CIITA: variants seen among roughly 807,000 people sequenced by gnomAD.
CIITA encodes class II major histocompatibility complex transactivator.
Under a neutral mutation model 115.1 loss-of-function variants are expected in CIITA, and 72 were observed. The ratio of observed to expected loss-of-function variants is 0.63; its 90% CI spans 0.52 to 0.76. The LOEUF (loss-of-function observed/expected upper bound fraction) is 0.76, where lower values mean the gene tolerates loss of function less well. CIITA is among the 30% of genes least tolerant of loss of function. The pLI is 0.00. For missense variants in CIITA, 1,617 were observed against 1,463.8 expected (o/e 1.10, Z -1.71); for synonymous variants, 763 against 635.6 (o/e 1.20, Z -3.02).
intron 1 of CIITA, among the ~76,000 whole-genome samples, chr16:10,880,943 G>A (rs989458707): frequency 8.5e-5 from 13 of 152,152 alleles, no homozygotes; most frequent in African/African-American, 3.1e-4. Flanking sequence ...CATGCATTGG[G>A]AATAATTATT....
intron 4 of CIITA, 67 bp from the exon 5 acceptor site, chr16:10,898,857 GT>G: frequency 6.2e-7 from 1 of 1,603,326 alleles, no homozygotes. Context: ...CCCAAGGTGG[GT>G]ACAATAGAGA....
chr16:10,896,761 C>T (rs2038171427), intron 3 of CIITA, among the ~76,000 whole-genome samples: 1 of 152,232 alleles, frequency 6.6e-6, no homozygotes. Flanking sequence ...TTCCTGCCAA[C>T]CCAGGAACAG....
downstream of CIITA, chr16:10,937,166 C>A (rs2041040236): frequency 6.6e-6 from 1 of 152,316 alleles, no homozygotes. The surrounding 1 kb of genome is among the most constrained non-coding windows in gnomAD (Gnocchi z 4.2). Context: ...CAAGGACCTT[C>A]TGGGTGAGCC....
At chr16:10,885,567 C>G (rs749893200) in intron 1 of CIITA, among the ~76,000 whole-genome samples, 14 of 152,182 alleles carry the variant, frequency 9.2e-5, no homozygotes, top group African/African-American at 3.4e-4. Context: ...CTCTCTGTCT[C>G]GTTCTCCTGG....
At chr16:10,897,021 G>A (rs1163291258) in intron 3 of CIITA, among the ~76,000 whole-genome samples, 1 of 152,232 alleles carries the variant, frequency 6.6e-6, no homozygotes, top group African/African-American at 2.4e-5. Context: ...ATTTGGGCAT[G>A]TCATAGGATT....
At chr16:10,939,450 C>T (rs59076074), downstream of CIITA, 1 of 152,322 alleles carries the variant, frequency 6.6e-6, no homozygotes, top group Non-Finnish European at 1.5e-5. The surrounding 1 kb of genome is among the most constrained non-coding windows in gnomAD (Gnocchi z 4.9). Context: ...TCCCACCCAC[C>T]TCACTGACCT....
Position 10,929,769 on chromosome 16 carries a change from T to A in CIITA, c.*5914T>A, listed in dbSNP as rs867909357. On this transcript the variant is annotated 3_prime_UTR_variant, in exon 20 of 20. Transcript: ENST00000324288. The surrounding 1 kb of genome is among the most constrained non-coding windows in gnomAD (Gnocchi z 4.3). ...AAATATAAAACTCTTTTTAATGAAT[T>A]TGCCTAATTTCTCAGAGACCCTGGG... 6.1e-6 allele frequency: 1 copy of A among 162,726 alleles called. No individual in the cohort carries two copies. Among genetic ancestry groups the A allele is most frequent in the African/African-American group, 2.4e-5 (1 of 41,630 alleles). The allele number at this position is 162,726 out of a possible 1,614,324, so 10.1% of individuals were successfully genotyped here. A position where few individuals can be genotyped will look rare whatever the true frequency, so the allele number is the denominator to read the frequency against.
intron 1 of CIITA, chr16:10,888,591 AG>A (rs1441362997): frequency 6.6e-6 from 1 of 152,262 alleles, no homozygotes; most frequent in Non-Finnish European, 1.5e-5. Context: ...TGCAGTGTGA[AG>A]TGGGGATGAA....
At chr16:10,913,032 T>C (rs2039686666) in intron 13 of CIITA, among the ~76,000 whole-genome samples, 1 of 152,256 alleles carries the variant, frequency 6.6e-6, no homozygotes, top group African/African-American at 2.4e-5. Context: ...CCCACTCACC[T>C]GTTCACCCTT....
downstream of CIITA, chr16:10,936,428 A>G (rs2041023559): frequency 6.6e-6 from 1 of 152,240 alleles, no homozygotes; most frequent in African/African-American, 2.4e-5. Context: ...AATGCTTATG[A>G]AAATTACACA....
chr16:10,910,963 C>T (rs947412872), intron 13 of CIITA, among the ~76,000 whole-genome samples: 3 of 121,728 alleles, frequency 2.5e-5, no homozygotes, highest in South Asian at 5.4e-4. Flanking sequence ...GTCTTGCATC[C>T]CAAGAAGCCC....
At chr16:10,903,154 C>G (rs994190352) in intron 8 of CIITA, among the ~76,000 whole-genome samples, 4 of 152,186 alleles carry the variant, frequency 2.6e-5, no homozygotes, top group Non-Finnish European at 5.9e-5. Context: ...TACAAGAATT[C>G]ACTGTCTCTC....
In CIITA at chr16:10,928,268, G is replaced by C. The variant is rs2040617813; in HGVS notation, c.*4413G>C. 1 of 152,156 alleles carries C rather than the reference G, an allele frequency of 6.6e-6. No individual in the cohort carries two copies. The highest frequency in any genetic ancestry group is 1.5e-5 in the Non-Finnish European group (1 of 68,036). The allele number at this position is 152,156 out of a possible 1,614,324, so 9.4% of individuals were successfully genotyped here. A position where few individuals can be genotyped will look rare whatever the true frequency, so the allele number is the denominator to read the frequency against. ...TGCAAACTGGAGAGAATTACTGCTT[G>C]TATTCCGTGAAACTACAAGCTCCCA... On this transcript the variant is annotated 3_prime_UTR_variant, in exon 20 of 20. Coordinates refer to ENST00000324288, the MANE Select transcript of CIITA (RefSeq NM_000246.4).
At position 10,928,799 on chromosome 16, in the gene CIITA, A is replaced by C. The variant is rs975031833; in HGVS notation, c.*4944A>C. The C allele has an allele frequency of 2.0e-5, 3 of 152,092 alleles. No individual in the cohort carries two copies. Among genetic ancestry groups the C allele is most frequent in the African/African-American group, 7.3e-5 (3 of 41,294 alleles). 9.4% of individuals were successfully genotyped at this position (152,092 alleles called of 1,614,324 possible). ...GACTGGGGCAGACTCTCTCAACCCC[A>C]CTGGATCTTCTGCTGTTTGTCAGCC... On this transcript the variant is annotated 3_prime_UTR_variant, in exon 20 of 20. Coordinates refer to ENST00000324288, the MANE Select transcript of CIITA (RefSeq NM_000246.4).
intron 14 of CIITA, 41 bp from the exon 15 acceptor site, chr16:10,916,326 C>T: frequency 6.3e-7 from 1 of 1,596,712 alleles, no homozygotes; most frequent in Non-Finnish European, 8.6e-7. Flanking sequence ...CAGATGGCCC[C>T]AGGACGCTAG....
rs535438766 is a variant in CIITA at position 10,920,224 on chromosome 16, T to TG, written c.3149+1699dup. Among the ~76,000 whole-genome samples, 138 of 152,326 alleles carry TG rather than the reference T, an allele frequency of 9.1e-4. No homozygotes were observed. Among genetic ancestry groups the TG allele is most frequent in the African/African-American group, 3.2e-3 (135 of 41,572 alleles). On this transcript the variant is annotated intron_variant, in intron 16 of 19. Transcript: ENST00000324288. This position sits in a 1 kb window ranked among gnomAD's most constrained non-coding sequence, Gnocchi z 4.5. ...TAGGTGGGCCTGGGAAGGCGACACTTGATCTGATTTACACTTTTCTTTTTT... is the reference window on the plus strand; with the variant it reads ...TAGGTGGGCCTGGGAAGGCGACACTTGGATCTGATTTACACTTTTCTTTTTT...
chr16:10,910,167 A>G, intron 12 of CIITA, 21 bp from the exon 13 acceptor site: 1 of 1,611,252 alleles, frequency 6.2e-7, no homozygotes, highest in Non-Finnish European at 8.5e-7. Context: ...TGCTCCCCCT[A>G]ACATTGCCTG....
At chr16:10,894,911 T>C (rs982021855) in intron 1 of CIITA, among the ~76,000 whole-genome samples, 1 of 152,202 alleles carries the variant, frequency 6.6e-6, no homozygotes, top group Non-Finnish European at 1.5e-5. Flanking sequence ...GTTACTGATA[T>C]GAGTATTAAA....
At chr16:10,902,249 C>A in intron 7 of CIITA, 65 bp downstream of exon 7, 1 of 1,599,828 alleles carries the variant, frequency 6.3e-7, no homozygotes, top group Middle Eastern at 1.7e-4. Context: ...GGAGTTGACA[C>A]TAAGGCAGGG....
Sources: gnomAD v4.1 joint callset for allele counts (sites outside exome capture counted in the v4.1 genomes callset) on GRCh38, gnomAD v4.1.1 for gene constraint, Gnocchi (gnomAD v3.1) non-coding constraint, MANE v1.5 for transcripts, NCBI Gene and HGNC (gene_info 2026-07-23, HGNC 2026-07-21) for gene names.